KCMF1: variants seen among roughly 807,000 people sequenced by gnomAD.
KCMF1 encodes E3 ubiquitin-protein ligase KCMF1.
In KCMF1, 3 loss-of-function variants were observed where a neutral mutation model predicts 41.1. The observed-to-expected ratio is 0.07, with a 90% CI of 0.03 to 0.19. The LOEUF (loss-of-function observed/expected upper bound fraction) is 0.19. KCMF1 is among the 10% of genes least tolerant of loss of function. The pLI is 1.00. For missense variants in KCMF1, 286 were observed against 488.9 expected, an observed-to-expected ratio of 0.58 and a Z score of 3.91; for synonymous variants, 142 against 164.5, an observed-to-expected ratio of 0.86 and a Z score of 1.04.
In KCMF1 at chr2:85,011,969, G is replaced by A. The variant is rs1167323713; in HGVS notation, c.17-15920G>A. 3.3e-5 allele frequency among the ~76,000 whole-genome samples: 5 copies of A among 152,178 alleles called. No homozygotes were observed. The South Asian group carries it at 1.0e-3, about 32-fold the overall frequency. ...TAAGTGACCCCTAGGGGGCAACATG[G>A]CCACTGGTTGAGACCCATTTCCTAG... On this transcript the variant is annotated intron_variant, in intron 1 of 6. Transcript: ENST00000409785.
chr2:85,008,291 TATATATA>T (rs1278421092), intron 1 of KCMF1, among the ~76,000 whole-genome samples: 2 of 14,624 alleles, frequency 1.4e-4, no homozygotes, highest in Non-Finnish European at 1.7e-4. Context: ...TGATATATAA[TATATATA>T]ATATATAATA....
At position 85,057,728 on chromosome 2, in the gene KCMF1, C is replaced by T. The variant is rs1675968924; in HGVS notation, c.*4319C>T. The T allele has an allele frequency of 6.6e-6, 1 of 152,142 alleles. No individual in the cohort carries two copies. Among genetic ancestry groups the T allele is most frequent in the South Asian group, 2.1e-4 (1 of 4,832 alleles). 9.4% of individuals were successfully genotyped at this position (152,142 alleles called of 1,614,324 possible). ...TCAGTGTTCTATAAATGCATACATT[C>T]GTTATTTAAGGAACCCTGCAGCAGA... On this transcript the variant is annotated 3_prime_UTR_variant, in exon 7 of 7. Transcript: ENST00000409785.
chr2:84,975,840 G>C (rs1447032581), intron 1 of KCMF1, among the ~76,000 whole-genome samples: 2 of 152,070 alleles, frequency 1.3e-5, no homozygotes, highest in African/African-American at 4.8e-5. Flanking sequence ...CAAATTGCTC[G>C]CTGCTTATTA....
At chr2:85,040,246 T>C (rs754990514) in intron 3 of KCMF1, among the ~76,000 whole-genome samples, 1 of 152,234 alleles carries the variant, frequency 6.6e-6, no homozygotes, top group Non-Finnish European at 1.5e-5. Flanking sequence ...ATAATAGATA[T>C]TACTCTATCG....
At chr2:85,030,594 C>T (rs1675242629) in intron 2 of KCMF1, among the ~76,000 whole-genome samples, 1 of 152,142 alleles carries the variant, frequency 6.6e-6, no homozygotes, top group East Asian at 1.9e-4. Context: ...AAAGACTATT[C>T]TTTACCCAAT....
At chr2:84,998,078 G>C (rs867668197) in intron 1 of KCMF1, among the ~76,000 whole-genome samples, 12 of 151,316 alleles carry the variant, frequency 7.9e-5, no homozygotes, top group African/African-American at 2.9e-4. Context: ...CAGCCAAAAA[G>C]TACATTTTAC....
At chr2:85,026,492 A>ATTATTATTATTTTTATTT (rs146823537) in intron 1 of KCMF1, among the ~76,000 whole-genome samples, 19 of 143,138 alleles carry the variant, frequency 1.3e-4, no homozygotes, top group African/African-American at 4.5e-4. Context: ...TATTATTATT[A>ATTATTATTATTTTTATTT]TTATTTTTAT....
chr2:84,973,490 A>G (rs2103955519), intron 1 of KCMF1, among the ~76,000 whole-genome samples: 1 of 152,340 alleles, frequency 6.6e-6, no homozygotes, highest in Admixed American at 6.5e-5. Context: ...TAATGTCAGT[A>G]AATAGAACAT....
At chr2:85,045,704 A>G (rs1675648301) in intron 4 of KCMF1, among the ~76,000 whole-genome samples, 1 of 152,334 alleles carries the variant, frequency 6.6e-6, no homozygotes, top group East Asian at 1.9e-4. Context: ...TATACAAGAA[A>G]TGCAAATCTG....
intron 4 of KCMF1, among the ~76,000 whole-genome samples, chr2:85,044,237 T>C (rs573725941): frequency 6.6e-6 from 1 of 152,280 alleles, no homozygotes; most frequent in African/African-American, 2.4e-5. Flanking sequence ...GGTGAGATGG[T>C]GGGGACAGGT....
At chr2:85,026,894 T>G (rs1675121906) in intron 1 of KCMF1, among the ~76,000 whole-genome samples, 2 of 152,240 alleles carry the variant, frequency 1.3e-5, no homozygotes, top group African/African-American at 4.8e-5. Flanking sequence ...TTTGTTTTTT[T>G]GTGTGTATTT....
At chr2:84,980,958 T>C (rs1673727513) in intron 1 of KCMF1, among the ~76,000 whole-genome samples, 1 of 151,870 alleles carries the variant, frequency 6.6e-6, no homozygotes, top group Non-Finnish European at 1.5e-5. Flanking sequence ...ATCTCTTCTA[T>C]GGCCACAGTG....
intron 6 of KCMF1, among the ~76,000 whole-genome samples, chr2:85,050,466 A>T (rs1312875200): frequency 6.6e-6 from 1 of 152,232 alleles, no homozygotes; most frequent in Non-Finnish European, 1.5e-5. Flanking sequence ...AATATTTAGT[A>T]AAACAGTAAA....
intron 1 of KCMF1, among the ~76,000 whole-genome samples, chr2:85,018,812 T>TG (rs1674854650): frequency 7.1e-6 from 1 of 141,284 alleles, no homozygotes; most frequent in Admixed American, 7.1e-5. Context: ...TTTTTTTTTT[T>TG]TTTTTTTTTT....
chr2:85,020,929 G>A (rs1263892286), intron 1 of KCMF1, among the ~76,000 whole-genome samples: 1 of 152,054 alleles, frequency 6.6e-6, no homozygotes, highest in South Asian at 2.1e-4. Context: ...GAGTGCAGTT[G>A]TATGATCATA....
chr2:84,988,794 A>T (rs926457163), intron 1 of KCMF1, among the ~76,000 whole-genome samples: 1 of 152,214 alleles, frequency 6.6e-6, no homozygotes. Context: ...TTGAGAAGCC[A>T]TCTGACTTTT....
chr2:85,031,625 G>A (rs1036912933), intron 2 of KCMF1, among the ~76,000 whole-genome samples: 1 of 152,158 alleles, frequency 6.6e-6, no homozygotes, highest in East Asian at 1.9e-4. Context: ...GGTAGGTTAG[G>A]TGTATTAAAT....
chr2:85,007,845 G>A (rs937878417), intron 1 of KCMF1, among the ~76,000 whole-genome samples: 4 of 152,064 alleles, frequency 2.6e-5, no homozygotes, highest in African/African-American at 4.8e-5. Flanking sequence ...CACTGCAACC[G>A]CCACCTCCTG....
At chr2:85,026,134 G>T (rs1325181607) in intron 1 of KCMF1, among the ~76,000 whole-genome samples, 1 of 151,860 alleles carries the variant, frequency 6.6e-6, no homozygotes, top group Non-Finnish European at 1.5e-5. Context: ...GAGATTACAG[G>T]CGCCCACCAC....
Sources: allele counts gnomAD v4.1 joint callset (sites outside exome capture counted in the v4.1 genomes callset), GRCh38; gene constraint gnomAD v4.1.1; transcripts MANE v1.5; gene names NCBI Gene and HGNC (gene_info 2026-07-23, HGNC 2026-07-21).